TM9SF4: variants seen among roughly 807,000 people sequenced by gnomAD.
TM9SF4 encodes the protein transmembrane 9 superfamily member 4.
Under a neutral mutation model 90.4 loss-of-function variants are expected in TM9SF4, and 26 were observed. The ratio of observed to expected loss-of-function variants is 0.29; its 90% CI spans 0.21 to 0.40. The LOEUF (loss-of-function observed/expected upper bound fraction) is 0.40, where lower values mean the gene tolerates loss of function less well. Among genes scored for constraint, TM9SF4 ranks in the 10% least tolerant of loss-of-function variants. TM9SF4 has a pLI of 1.00. For missense variants in TM9SF4, 549 were observed against 834.8 expected, an observed-to-expected ratio of 0.66 and a Z score of 4.22; for synonymous variants, 293 against 315.4, an observed-to-expected ratio of 0.93 and a Z score of 0.75.
intron 10 of TM9SF4, 76 bp from the exon 11 acceptor site, chr20:32,150,540 CCTGGGG>C (rs140449441): frequency 1.2e-5 from 19 of 1,554,262 alleles, no homozygotes; most frequent in East Asian, 2.2e-5. Flanking sequence ...CCAAGGTGGG[CCTGGGG>C]CTGGGGCTGG....
At chr20:32,164,382 C>T (rs1302032124) in intron 17 of TM9SF4, among the ~76,000 whole-genome samples, 1 of 152,150 alleles carries the variant, frequency 6.6e-6, no homozygotes, top group Non-Finnish European at 1.5e-5. Context: ...TGTGGTGGCA[C>T]ACACCTATAG....
chr20:32,133,032 T>C lies in TM9SF4; in HGVS notation c.35T>C (p.Leu12Ser), dbSNP rs962471522. The C allele has an allele frequency of 4.3e-6, 7 of 1,614,086 alleles. No homozygotes were observed. In the Admixed American group the frequency reaches 8.3e-5, roughly 19 times the overall value. Reference sequence around the variant, plus strand: ...GAGCAGGATTGGTTGCCGTGGTCTTTACTGCTTTTCTCCCTGATGTGTGAA... The same window carrying C: ...GAGCAGGATTGGTTGCCGTGGTCTTCACTGCTTTTCTCCCTGATGTGTGAA... ...ATAMDWLPWS[L>S]LLFSLMCETS... is the part of the protein sequence containing the mutation. Residue 12 changes from leucine to serine, a missense_variant, in exon 2 of 18, where the codon TTA (leucine) becomes TCA (serine). By Grantham distance (145) the Leu-to-Ser change is moderately radical. Coordinates refer to ENST00000398022, the MANE Select transcript of TM9SF4 (RefSeq NM_014742.4).
intron 1 of TM9SF4, among the ~76,000 whole-genome samples, chr20:32,123,971 T>C (rs1171134939): frequency 6.6e-6 from 1 of 151,342 alleles, no homozygotes; most frequent in Admixed American, 6.6e-5. Flanking sequence ...CAAGTGATCC[T>C]CCTGCCTCAG....
chr20:32,151,680 ATTG>A (rs888448712), intron 12 of TM9SF4, among the ~76,000 whole-genome samples: 12 of 151,690 alleles, frequency 7.9e-5, no homozygotes, highest in Admixed American at 2.6e-4. Context: ...TTGTTTTTTT[ATTG>A]TTGTTGTTTG....
intron 2 of TM9SF4, among the ~76,000 whole-genome samples, chr20:32,133,739 C>T (rs985208715): frequency 1.3e-4 from 20 of 152,048 alleles, no homozygotes; most frequent in Admixed American, 1.0e-3. Flanking sequence ...ATGGGGAAAC[C>T]GAGGCCTGGG....
intron 1 of TM9SF4, among the ~76,000 whole-genome samples, chr20:32,122,724 A>G (rs974275936): frequency 1.3e-4 from 20 of 148,978 alleles, no homozygotes; most frequent in African/African-American, 5.0e-4. Context: ...ATCCCAGACG[A>G]TGGGTGGCCA....
intron 1 of TM9SF4, among the ~76,000 whole-genome samples, chr20:32,126,415 C>T (rs1487353009): frequency 1.3e-5 from 2 of 152,192 alleles, no homozygotes; most frequent in African/African-American, 2.4e-5. Flanking sequence ...CAGGCCTTTG[C>T]GTCTGTGTTT....
chr20:32,115,220 C>T (rs1196534786), intron 1 of TM9SF4, among the ~76,000 whole-genome samples: 1 of 152,190 alleles, frequency 6.6e-6, no homozygotes, highest in African/African-American at 2.4e-5. Context: ...CTTAATCCCC[C>T]TCAGGAAGTA....
chr20:32,161,802 G>GA (rs2047022767), intron 17 of TM9SF4, among the ~76,000 whole-genome samples: 1 of 152,218 alleles, frequency 6.6e-6, no homozygotes, highest in African/African-American at 2.4e-5. Context: ...CTAAATAGTA[G>GA]AACCCAAATT....
intron 15 of TM9SF4, among the ~76,000 whole-genome samples, chr20:32,158,837 C>G (rs2046970707): frequency 6.6e-6 from 1 of 152,076 alleles, no homozygotes. Flanking sequence ...CAAAAATTAG[C>G]CGGGCATGGT....
chr20:32,141,776 A>C lies in TM9SF4; in HGVS notation c.409A>C (p.Asn137His), dbSNP rs1325588369. Residue 137 changes from asparagine to histidine, a missense_variant, in exon 5 of 18, where the codon AAC becomes CAC. Around this residue, in one of 2 missense-constraint regions of TM9SF4, gnomAD observed 495 missense variants for 711.7 expected, o/e 0.70. Coordinates refer to ENST00000398022, the MANE Select transcript of TM9SF4 (RefSeq NM_014742.4). The stretch of plus-strand genomic sequence containing the variant: ...GCCTTCACTTTCCAGCATTGCTGAC[A>C]ACCTGCCTGTGGCCACCCGGCTGGA... ...EDYYVHLIAD[N>H]LPVATRLELY... 1.2e-6 allele frequency: 2 copies of C among 1,614,036 alleles called. No homozygotes were observed. Among genetic ancestry groups the C allele is most frequent in the Non-Finnish European group, 1.7e-6 (2 of 1,180,016 alleles).
chr20:32,161,008 C>G, intron 16 of TM9SF4: 1 of 222,566 alleles, frequency 4.5e-6, no homozygotes, highest in East Asian at 9.4e-5. Flanking sequence ...TAAGCATTTG[C>G]TCGAGAAATG....
Position 32,123,866 on chromosome 20 carries a change from A to ATATATTTTTTTTTTTT in TM9SF4, c.16-9146_16-9145insATATTTTTTTTTTTTT. 1.3e-3 allele frequency among the ~76,000 whole-genome samples: 119 copies of ATATATTTTTTTTTTTT among 93,922 alleles called. 2 individuals carry two copies. Among genetic ancestry groups the ATATATTTTTTTTTTTT allele is most frequent in the African/African-American group, 5.2e-3 (114 of 21,948 alleles). 61.6% of individuals were successfully genotyped at this position (93,922 alleles called of 152,430 possible). A position where few individuals can be genotyped will look rare whatever the true frequency, so the allele number is the denominator to read the frequency against. ...CTCTCATATATATATATATATATATATTTTTTTTTTTAAAGAGATAGGGTC... is the reference window on the plus strand; with the variant it reads ...CTCTCATATATATATATATATATATATATATTTTTTTTTTTTTTTTTTTTTTTAAAGAGATAGGGTC... On this transcript the variant is annotated intron_variant, in intron 1 of 17. Transcript: ENST00000398022.
intron 1 of TM9SF4, among the ~76,000 whole-genome samples, chr20:32,115,934 G>A (rs1327889008): frequency 6.8e-6 from 1 of 146,620 alleles, no homozygotes; most frequent in Non-Finnish European, 1.5e-5. Flanking sequence ...CGATTCTCCT[G>A]CCTCATCTTC....
chr20:32,157,173 G>A (rs2046937902), intron 13 of TM9SF4, among the ~76,000 whole-genome samples: 1 of 146,658 alleles, frequency 6.8e-6, no homozygotes. Flanking sequence ...GGCTGATCTT[G>A]AACTCCTGAC....
At chr20:32,113,812 C>A (rs916454500) in intron 1 of TM9SF4, among the ~76,000 whole-genome samples, 3 of 152,178 alleles carry the variant, frequency 2.0e-5, no homozygotes, top group African/African-American at 7.2e-5. Flanking sequence ...GAGAGTCACT[C>A]CCTACTCTTC....
At chr20:32,123,883 GA>G (rs2046379744) in intron 1 of TM9SF4, among the ~76,000 whole-genome samples, 2 of 45,046 alleles carry the variant, frequency 4.4e-5, no homozygotes, top group Non-Finnish European at 8.8e-5. Context: ...TTTTTAAAGA[GA>G]TAGGGTCTCC....
At chr20:32,118,881 G>A (rs1293370035) in intron 1 of TM9SF4, among the ~76,000 whole-genome samples, 5 of 151,886 alleles carry the variant, frequency 3.3e-5, no homozygotes, top group Non-Finnish European at 7.4e-5. Context: ...CACCTGCCTC[G>A]GCCTTACAAA....
chr20:32,165,788 G>T lies in TM9SF4; in HGVS notation c.*344G>T. The T allele has an allele frequency of 4.2e-6, 1 of 239,336 alleles. No homozygotes were observed. The highest frequency in any genetic ancestry group is 5.1e-5 in the Admixed American group (1 of 19,586). The allele number at this position is 239,336 out of a possible 1,614,324, so 14.8% of individuals were successfully genotyped here. On this transcript the variant is annotated 3_prime_UTR_variant, in exon 18 of 18. Transcript: ENST00000398022. ...TCTTTGTTTTAACAAATGGATCCAGGATGGATAAATCCACCGAGATAAGGG... is the reference window on the plus strand; with the variant it reads ...TCTTTGTTTTAACAAATGGATCCAGTATGGATAAATCCACCGAGATAAGGG...
Sources: allele counts gnomAD v4.1 joint callset (sites outside exome capture counted in the v4.1 genomes callset), GRCh38; gene constraint gnomAD v4.1.1; regional missense constraint gnomAD v4.1.1; transcripts MANE v1.5; gene names NCBI Gene and HGNC (gene_info 2026-07-23, HGNC 2026-07-21).